The following C6orf89 variants were observed in gnomAD, a reference collection of about 807,000 sequenced individuals.
C6orf89 encodes the protein bombesin receptor-activated protein C6orf89.
A neutral mutation model predicts 40.7 loss-of-function variants in C6orf89; 29 were observed. That is an observed-to-expected ratio of 0.71 (90% CI 0.53 to 0.97). The LOEUF (loss-of-function observed/expected upper bound fraction) is 0.97, where lower values mean the gene tolerates loss of function less well. C6orf89 is among the 50% of genes least tolerant of loss of function. The pLI, the probability that C6orf89 is intolerant of heterozygous loss-of-function variation, is 0.00. For synonymous variants in C6orf89, 165 were observed against 152.2 expected (o/e 1.08, Z -0.62); for missense variants, 392 against 429.1 (o/e 0.91, Z 0.76).
At chr6:36,901,318 ATTATTT>A (rs1251792700) in intron 3 of C6orf89, among the ~76,000 whole-genome samples, 3 of 65,128 alleles carry the variant, frequency 4.6e-5, no homozygotes, top group African/African-American at 1.3e-4. Context: ...TATTATTATT[ATTATTT>A]TTTTTTTTTT....
intron 4 of C6orf89, among the ~76,000 whole-genome samples, chr6:36,913,216 C>G (rs1220611822): frequency 1.3e-5 from 2 of 152,200 alleles, no homozygotes; most frequent in African/African-American, 4.8e-5. Context: ...AGGAGCCAAA[C>G]CAGACAGGCA....
At chr6:36,880,810 A>T (rs1774786802) in intron 2 of C6orf89, among the ~76,000 whole-genome samples, 1 of 152,238 alleles carries the variant, frequency 6.6e-6, no homozygotes, top group South Asian at 2.1e-4. Flanking sequence ...TGTATGGTAA[A>T]TTCTTGTCCT....
At chr6:36,880,784 C>A (rs995957554) in intron 2 of C6orf89, among the ~76,000 whole-genome samples, 1 of 152,274 alleles carries the variant, frequency 6.6e-6, no homozygotes, top group Admixed American at 6.5e-5. Context: ...AAATAGATTT[C>A]ATTAAGAAAG....
At chr6:36,914,183 C>A in intron 4 of C6orf89, 101 bp from the exon 5 acceptor site, 1 of 1,104,606 alleles carries the variant, frequency 9.1e-7, no homozygotes, top group Non-Finnish European at 1.3e-6. Context: ...AAATAAAAGT[C>A]ATTATGATGT....
intron 2 of C6orf89, among the ~76,000 whole-genome samples, chr6:36,898,338 G>A (rs1325425253): frequency 6.7e-6 from 1 of 149,490 alleles, no homozygotes; most frequent in African/African-American, 2.5e-5. Flanking sequence ...GGAGTGCAAT[G>A]GCGTGATCTC....
At chr6:36,891,612 G>A (rs1761212096) in intron 1 of C6orf89, among the ~76,000 whole-genome samples, 1 of 152,106 alleles carries the variant, frequency 6.6e-6, no homozygotes, top group African/African-American at 2.4e-5. Flanking sequence ...TTCTTTACTA[G>A]AACATATATT....
intron 1 of C6orf89, among the ~76,000 whole-genome samples, chr6:36,888,079 A>G (rs373094699): frequency 6.6e-6 from 1 of 152,186 alleles, no homozygotes; most frequent in South Asian, 2.1e-4. Context: ...GGCTATTGGA[A>G]CAAATGTGTT....
At chr6:36,906,199 G>A (rs866509264) in intron 4 of C6orf89, among the ~76,000 whole-genome samples, 19 of 152,264 alleles carry the variant, frequency 1.2e-4, no homozygotes, top group African/African-American at 4.3e-4. Flanking sequence ...ATCATTTATT[G>A]GCCTCAAACT....
chr6:36,909,586 C>T (rs913456090), intron 4 of C6orf89, among the ~76,000 whole-genome samples: 1 of 151,550 alleles, frequency 6.6e-6, no homozygotes, highest in Non-Finnish European at 1.5e-5. Context: ...TTTTTATCTA[C>T]CCTGGGCAAC....
chr6:36,912,987 T>G (rs2150708029), intron 4 of C6orf89, among the ~76,000 whole-genome samples: 1 of 152,374 alleles, frequency 6.6e-6, no homozygotes, highest in East Asian at 1.9e-4. Flanking sequence ...TGTCGTAGGC[T>G]CTCTCCTGAT....
chr6:36,874,539 G>A (rs1300683843), intron 1 of C6orf89, among the ~76,000 whole-genome samples: 1 of 152,254 alleles, frequency 6.6e-6, no homozygotes, highest in African/African-American at 2.4e-5. Context: ...ACCCCGCGGA[G>A]CTTGGACGCG....
chr6:36,903,597 C>A (rs1761807941), intron 4 of C6orf89, among the ~76,000 whole-genome samples: 1 of 152,002 alleles, frequency 6.6e-6, no homozygotes, highest in Non-Finnish European at 1.5e-5. Context: ...GTAGCTGGGA[C>A]TATAGGTGCC....
chr6:36,903,277 A>G (rs1483471381), intron 4 of C6orf89, among the ~76,000 whole-genome samples: 2 of 151,862 alleles, frequency 1.3e-5, no homozygotes, highest in African/African-American at 4.8e-5. Context: ...AAAGGGGGAT[A>G]TTATTTTGGG....
chr6:36,894,082 T>A (rs1761332707), intron 1 of C6orf89, among the ~76,000 whole-genome samples: 1 of 151,742 alleles, frequency 6.6e-6, no homozygotes, highest in African/African-American at 2.4e-5. Flanking sequence ...CTTACAAAGG[T>A]TGCAAAACAG....
At chr6:36,904,466 A>T (rs1761851476) in intron 4 of C6orf89, among the ~76,000 whole-genome samples, 1 of 152,176 alleles carries the variant, frequency 6.6e-6, no homozygotes, top group Non-Finnish European at 1.5e-5. Context: ...GTGGATGTGG[A>T]AGCACCATAT....
At chr6:36,905,090 G>A (rs752041576) in intron 4 of C6orf89, among the ~76,000 whole-genome samples, 3 of 152,216 alleles carry the variant, frequency 2.0e-5, no homozygotes, top group Admixed American at 1.3e-4. Context: ...TAAACTGACA[G>A]TTGTTTATTA....
intron 1 of C6orf89, among the ~76,000 whole-genome samples, chr6:36,891,489 T>TA (rs1301532676): frequency 6.6e-6 from 1 of 152,250 alleles, no homozygotes; most frequent in Non-Finnish European, 1.5e-5. Flanking sequence ...GCATGATTTA[T>TA]AATCCTTTGG....
intron 1 of C6orf89, among the ~76,000 whole-genome samples, chr6:36,890,384 TG>T (rs1361435721): frequency 2.0e-5 from 3 of 152,182 alleles, no homozygotes; most frequent in African/African-American, 7.2e-5. Context: ...ATCGCACAAG[TG>T]GTATCATGTA....
chr6:36,885,520 G>T (rs535746081), upstream of C6orf89, among the ~76,000 whole-genome samples: 1 of 152,160 alleles, frequency 6.6e-6, no homozygotes, highest in Non-Finnish European at 1.5e-5. Context: ...CTAATGAGTG[G>T]GCTGAGTGAA....
Sources: gnomAD v4.1 joint callset for allele counts (sites outside exome capture counted in the v4.1 genomes callset) on GRCh38, gnomAD v4.1.1 for gene constraint, MANE v1.5 for transcripts, NCBI Gene and HGNC (gene_info 2026-07-23, HGNC 2026-07-21) for gene names.